The following RBFOX1 variants were observed in gnomAD, a reference collection of about 807,000 sequenced individuals.
The protein encoded by RBFOX1 is RNA binding fox-1 homolog 1.
A neutral mutation model predicts 57.7 loss-of-function variants in RBFOX1; 8 were observed. The observed-to-expected ratio is 0.14, with a 90% CI of 0.08 to 0.25. RBFOX1 has a LOEUF of 0.25. RBFOX1 is among the 10% of genes least tolerant of loss of function. The probability of loss-of-function intolerance (pLI) is 1.00; values close to 1 mark genes in which losing one functional copy is unlikely to be tolerated. For synonymous variants in RBFOX1, 326 were observed against 222.4 expected (o/e 1.47, Z -4.15); for missense variants, 611 against 548.5 (o/e 1.11, Z -1.14).
In RBFOX1 at chr16:7,128,819, T is replaced by A. The variant is rs953690972; in HGVS notation, c.27+76721T>A. On this transcript the variant is annotated intron_variant, in intron 4 of 15. Coordinates refer to ENST00000550418, the MANE Select transcript of RBFOX1 (RefSeq NM_018723.4). ...AATGGTAACTTTTTTTTCTTTTTAC[T>A]TTTTTTTTTTTTTTTTTTTTAAGAC... Among the ~76,000 whole-genome samples, 6 of 17,082 alleles carry A rather than the reference T, an allele frequency of 3.5e-4. No individual in the cohort carries two copies. The East Asian group carries it at 0.019, about 55-fold the overall frequency. The allele number at this position is 17,082 out of a possible 152,430, so 11.2% of individuals were successfully genotyped here. A position where few individuals can be genotyped will look rare whatever the true frequency, so the allele number is the denominator to read the frequency against.
chr16:7,049,474 A>G (rs1036615978), intron 3 of RBFOX1, among the ~76,000 whole-genome samples: 3 of 152,146 alleles, frequency 2.0e-5, no homozygotes, highest in Non-Finnish European at 4.4e-5. Context: ...ATAAAAAAAA[A>G]AGAACAATGG....
chr16:6,388,351 G>A (rs17140083), intron 2 of RBFOX1, among the ~76,000 whole-genome samples: 19,390 of 152,020 alleles, frequency 0.13, 1,460 homozygotes, highest in Middle Eastern at 0.22. Context: ...CATGTGGAGC[G>A]TAGGAATGAA....
intron 1 of RBFOX1, among the ~76,000 whole-genome samples, chr16:6,256,538 A>C (rs77849097): frequency 6.6e-6 from 1 of 151,692 alleles, no homozygotes; most frequent in African/African-American, 2.4e-5. Context: ...TTTGAACTTG[A>C]CATTGGTTGC....
At chr16:6,461,560 T>C (rs184336660) in intron 2 of RBFOX1, among the ~76,000 whole-genome samples, 93 of 152,348 alleles carry the variant, frequency 6.1e-4, no homozygotes, top group African/African-American at 1.9e-3. Context: ...ATAACACTTG[T>C]GTGGCTGGAT....
chr16:5,258,773 G>A (rs1567244901), intron 1 of RBFOX1, among the ~76,000 whole-genome samples: 1 of 152,036 alleles, frequency 6.6e-6, no homozygotes, highest in East Asian at 1.9e-4. Context: ...AAAATTAGCC[G>A]GGCATGGTGG....
intron 4 of RBFOX1, among the ~76,000 whole-genome samples, chr16:7,513,976 A>G (rs549705923): frequency 1.3e-5 from 2 of 152,334 alleles, no homozygotes; most frequent in African/African-American, 2.4e-5. Flanking sequence ...TGGAGAGTAT[A>G]CAGGCCCTTT....
intron 1 of RBFOX1, among the ~76,000 whole-genome samples, chr16:6,077,655 G>A (rs976514704): frequency 3.4e-5 from 5 of 146,598 alleles, no homozygotes; most frequent in South Asian, 2.2e-4. Context: ...TTTCCCCTGC[G>A]CTCTTGCGTC....
At chr16:7,664,834 T>C in intron 12 of RBFOX1, 95 bp from the exon 13 acceptor site, 1 of 1,607,006 alleles carries the variant, frequency 6.2e-7, no homozygotes, top group Non-Finnish European at 8.5e-7. Flanking sequence ...TTTTGGATCT[T>C]GTGACCAGAC....
intron 1 of RBFOX1, among the ~76,000 whole-genome samples, chr16:5,346,434 A>G (rs1391159242): frequency 1.3e-5 from 2 of 152,220 alleles, no homozygotes; most frequent in Non-Finnish European, 1.5e-5. Context: ...ATGATGTTTG[A>G]ACCACGTCTC....
In RBFOX1 at chr16:6,732,588, C is replaced by A. The variant is rs563361310; in HGVS notation, c.-16+77938C>A. On this transcript the variant is annotated intron_variant, in intron 3 of 15. Coordinates refer to ENST00000550418, the MANE Select transcript of RBFOX1 (RefSeq NM_018723.4). ...CAGACTTTCCACCACGATTAATGCA[C>A]GTAGTAGGTCTGCAAGGCAGGGACC... 1.4e-4 allele frequency among the ~76,000 whole-genome samples: 22 copies of A among 152,320 alleles called. No individual in the cohort carries two copies. In the South Asian group the frequency reaches 4.3e-3, roughly 30 times the overall value.
intron 4 of RBFOX1, among the ~76,000 whole-genome samples, chr16:7,228,799 A>G (rs1379450394): frequency 6.6e-6 from 1 of 152,208 alleles, no homozygotes; most frequent in East Asian, 1.9e-4. Context: ...TTGGGGGAAA[A>G]TGGATTAAAA....
chr16:7,567,140 C>CAT (rs369922520), intron 5 of RBFOX1, among the ~76,000 whole-genome samples: 10,816 of 56,930 alleles, frequency 0.19, 3,350 homozygotes, highest in Non-Finnish European at 0.31. Flanking sequence ...TATGTATATC[C>CAT]ATATATATCC....
At chr16:6,189,375 C>G (rs536097381) in intron 1 of RBFOX1, among the ~76,000 whole-genome samples, 1 of 152,320 alleles carries the variant, frequency 6.6e-6, no homozygotes, top group South Asian at 2.1e-4. Flanking sequence ...ACAGGTGTCT[C>G]TTTTTGCCAA....
intron 2 of RBFOX1, among the ~76,000 whole-genome samples, chr16:6,353,598 G>T (rs2086771902): frequency 1.3e-5 from 2 of 152,020 alleles, no homozygotes; most frequent in Admixed American, 1.3e-4. Flanking sequence ...CATTGCTTGT[G>T]GGGGATTCAA....
intron 2 of RBFOX1, among the ~76,000 whole-genome samples, chr16:5,577,757 A>T (rs182295760): frequency 3.5e-4 from 54 of 152,164 alleles, no homozygotes; most frequent in African/African-American, 1.2e-3. Context: ...TTCCTGAAAA[A>T]ACTAAAAAGT....
At chr16:6,163,508 G>A (rs1163995762) in intron 1 of RBFOX1, among the ~76,000 whole-genome samples, 3 of 152,142 alleles carry the variant, frequency 2.0e-5, no homozygotes, top group Non-Finnish European at 4.4e-5. Flanking sequence ...AAATCATGGA[G>A]TTTTTCTTTT....
chr16:6,349,255 C>G (rs1056512676), intron 2 of RBFOX1, among the ~76,000 whole-genome samples: 4 of 152,094 alleles, frequency 2.6e-5, no homozygotes, highest in Non-Finnish European at 5.9e-5. Context: ...TTCTGTTATC[C>G]CTTACCTAGC....
chr16:5,850,786 C>A (rs1397000230), intron 3 of RBFOX1, among the ~76,000 whole-genome samples: 1 of 152,192 alleles, frequency 6.6e-6, no homozygotes, highest in African/African-American at 2.4e-5. Flanking sequence ...TCATTTCCTT[C>A]ACTTGCCATC....
At chr16:6,092,289 T>G (rs1010771950) in intron 1 of RBFOX1, 2 of 152,180 alleles carry the variant, frequency 1.3e-5, no homozygotes, top group African/African-American at 2.4e-5. Context: ...CAGTAGGCAT[T>G]TGTAATATCC....
Sources: allele counts gnomAD v4.1 joint callset (sites outside exome capture counted in the v4.1 genomes callset), GRCh38; gene constraint gnomAD v4.1.1; transcripts MANE v1.5; gene names NCBI Gene and HGNC (gene_info 2026-07-23, HGNC 2026-07-21).